Variants in CTNNA3 observed in about 807,000 individuals in gnomAD.
CTNNA3 encodes the protein catenin alpha 3.
A neutral mutation model predicts 95.7 loss-of-function variants in CTNNA3; 76 were observed. The ratio of observed to expected loss-of-function variants is 0.79; its 90% CI spans 0.66 to 0.96. The LOEUF (loss-of-function observed/expected upper bound fraction) is 0.96. Among genes scored for constraint, CTNNA3 ranks in the 40% least tolerant of loss-of-function variants. The pLI is 0.00. For missense variants in CTNNA3, 1,191 were observed against 1,089.8 expected, an observed-to-expected ratio of 1.09 and a Z score of -1.31; for synonymous variants, 431 against 374.4, an observed-to-expected ratio of 1.15 and a Z score of -1.74.
chr10:66,653,667 A>G (rs1298853779), intron 9 of CTNNA3, among the ~76,000 whole-genome samples: 1 of 152,118 alleles, frequency 6.6e-6, no homozygotes, highest in South Asian at 2.1e-4. Flanking sequence ...CCAAAATAAC[A>G]CAATCAGAGG....
intron 10 of CTNNA3, among the ~76,000 whole-genome samples, chr10:66,540,515 A>C (rs2132075140): frequency 6.6e-6 from 1 of 152,230 alleles, no homozygotes; most frequent in South Asian, 2.1e-4. Flanking sequence ...AAAAACTGAA[A>C]GCTCTTAGCC....
intron 7 of CTNNA3, among the ~76,000 whole-genome samples, chr10:67,022,129 G>GA (rs1320978602): frequency 6.6e-6 from 1 of 151,990 alleles, no homozygotes; most frequent in Non-Finnish European, 1.5e-5. Flanking sequence ...AAAGGAGTGG[G>GA]AAAAAAATAT....
rs145791517 is a variant in CTNNA3 at position 67,145,847 on chromosome 10, T to C, written c.1047+34470A>G. On this transcript the variant is annotated intron_variant, in intron 7 of 17. Coordinates refer to ENST00000433211, the MANE Select transcript of CTNNA3 (RefSeq NM_013266.4). ...CCACATGTGCAAAAAGCTAGATGTT[T>C]AGTCAGCAAATATCTCTAATATTTA... 1.3e-3 allele frequency among the ~76,000 whole-genome samples: 202 copies of C among 152,360 alleles called. 2 individuals carry two copies. In the East Asian group the frequency reaches 0.034, roughly 26 times the overall value.
chr10:66,517,795 A>C (rs1007941419), intron 11 of CTNNA3, among the ~76,000 whole-genome samples: 2 of 152,072 alleles, frequency 1.3e-5, no homozygotes, highest in African/African-American at 4.8e-5. Flanking sequence ...CTAGAATGGG[A>C]CCCCTTTCCT....
intron 7 of CTNNA3, among the ~76,000 whole-genome samples, chr10:66,821,918 G>A (rs1842316279): frequency 1.3e-5 from 2 of 152,080 alleles, no homozygotes; most frequent in Admixed American, 1.3e-4. Flanking sequence ...AGTTGTGGCT[G>A]AACAAATAAA....
At chr10:67,515,460 A>G (rs145068438) in intron 5 of CTNNA3, among the ~76,000 whole-genome samples, 30 of 152,356 alleles carry the variant, frequency 2.0e-4, no homozygotes, top group African/African-American at 7.0e-4. Flanking sequence ...ATGAAATTGC[A>G]TAAGTAGTGG....
rs58074397 is a variant in CTNNA3, at chr10:67,720,129, C to CTTTTTTTTTTTTTT, written c.-2+43291_-2+43304dup. Among the ~76,000 whole-genome samples, 40 of 6,612 alleles carry CTTTTTTTTTTTTTT rather than the reference C, an allele frequency of 6.0e-3. 19 individuals are homozygous for CTTTTTTTTTTTTTT. The highest frequency in any genetic ancestry group is 0.017 in the African/African-American group (25 of 1,500). The allele number at this position is 6,612 out of a possible 152,430, so 4.3% of individuals were successfully genotyped here. On this transcript the variant is annotated intron_variant, in intron 1 of 17. Transcript: ENST00000684154. ...TCAGAGACTAGGATTGCAACCCCTG[C>CTTTTTTTTTTTTTT]TTTTTTTTTTTTTTTTTTTTTTTGC...
intron 7 of CTNNA3, among the ~76,000 whole-genome samples, chr10:67,171,381 C>G (rs531783630): frequency 6.6e-6 from 1 of 152,026 alleles, no homozygotes; most frequent in East Asian, 1.9e-4. Flanking sequence ...TCGAGACCAG[C>G]CTGACCAACA....
intron 7 of CTNNA3, among the ~76,000 whole-genome samples, chr10:67,001,112 C>CT (rs1851658694): frequency 6.6e-6 from 1 of 151,502 alleles, no homozygotes; most frequent in African/African-American, 2.4e-5. Context: ...ACCATCCTGG[C>CT]CAACATGATG....
At chr10:65,945,575 T>A (rs553107721) in intron 17 of CTNNA3, among the ~76,000 whole-genome samples, 1 of 152,128 alleles carries the variant, frequency 6.6e-6, no homozygotes, top group African/African-American at 2.4e-5. Flanking sequence ...TTTATAGAAA[T>A]AGACAGATTT....
At chr10:66,763,568 G>A (rs12763151) in intron 9 of CTNNA3, among the ~76,000 whole-genome samples, 25,622 of 152,042 alleles carry the variant, frequency 0.17, 2,735 homozygotes, top group Non-Finnish European at 0.23. Context: ...TAAAGCAAAT[G>A]AAACCCTGAG....
intron 5 of CTNNA3, among the ~76,000 whole-genome samples, chr10:67,363,110 C>T (rs1843059605): frequency 6.6e-6 from 1 of 151,824 alleles, no homozygotes; most frequent in Non-Finnish European, 1.5e-5. Context: ...TCAAAGAAAC[C>T]AGAGATGACA....
chr10:66,375,570 T>G (rs994130064), intron 12 of CTNNA3, among the ~76,000 whole-genome samples: 1 of 147,482 alleles, frequency 6.8e-6, no homozygotes, highest in Non-Finnish European at 1.5e-5. Context: ...TTTAAGATTG[T>G]AGGACAGAGC....
chr10:66,747,010 A>G (rs529275304), intron 9 of CTNNA3, among the ~76,000 whole-genome samples: 3 of 152,338 alleles, frequency 2.0e-5, no homozygotes, highest in African/African-American at 7.2e-5. Flanking sequence ...TCCAAGAGAA[A>G]AAAAAAAGTC....
chr10:67,182,350 C>T (rs1033599603), intron 6 of CTNNA3, among the ~76,000 whole-genome samples: 16 of 152,058 alleles, frequency 1.1e-4, no homozygotes, highest in South Asian at 6.2e-4. Context: ...GAGATATAGA[C>T]CAATGGAACA....
At chr10:66,037,346 A>T (rs2079586405) in intron 15 of CTNNA3, among the ~76,000 whole-genome samples, 1 of 152,192 alleles carries the variant, frequency 6.6e-6, no homozygotes, top group South Asian at 2.1e-4. Context: ...ATTAATTCTG[A>T]TCTCTTACAT....
intron 5 of CTNNA3, among the ~76,000 whole-genome samples, chr10:67,354,962 C>T (rs990125258): frequency 1.3e-5 from 2 of 151,814 alleles, no homozygotes; most frequent in African/African-American, 4.8e-5. Context: ...AATGCAAGAC[C>T]ATGAAAATTC....
At chr10:66,311,083 G>C (rs2092014481) in intron 12 of CTNNA3, among the ~76,000 whole-genome samples, 1 of 152,128 alleles carries the variant, frequency 6.6e-6, no homozygotes, top group Admixed American at 6.5e-5. Flanking sequence ...GTGTATCCCA[G>C]AATCACTAGA....
intron 2 of CTNNA3, among the ~76,000 whole-genome samples, chr10:67,626,262 G>T (rs1239013714): frequency 6.6e-6 from 1 of 151,078 alleles, no homozygotes; most frequent in Non-Finnish European, 1.5e-5. Flanking sequence ...GTACCCATTT[G>T]TCATTGATCT....
Sources: allele counts gnomAD v4.1 joint callset (sites outside exome capture counted in the v4.1 genomes callset), GRCh38; gene constraint gnomAD v4.1.1; transcripts MANE v1.5; gene names NCBI Gene and HGNC (gene_info 2026-07-23, HGNC 2026-07-21).